Variants in PRR16 observed in about 807,000 individuals in gnomAD.
PRR16 encodes the protein protein Largen.
In PRR16, 6 loss-of-function variants were observed where a neutral mutation model predicts 18.2. The ratio of observed to expected loss-of-function variants is 0.33; its 90% CI spans 0.18 to 0.65. The LOEUF (loss-of-function observed/expected upper bound fraction) is 0.65. Ranked by LOEUF, PRR16 falls within the 30% of genes least tolerant of loss-of-function variation. PRR16 has a pLI of 0.74. For synonymous variants in PRR16, 151 were observed against 147.8 expected (o/e 1.02, Z -0.16); for missense variants, 412 against 376.6 (o/e 1.09, Z -0.78).
chr5:120,567,191 C>T (rs1329521767), intron 1 of PRR16, among the ~76,000 whole-genome samples: 1 of 152,062 alleles, frequency 6.6e-6, no homozygotes, highest in East Asian at 1.9e-4. Flanking sequence ...TTTATTCATC[C>T]AGTGACCAGT....
At chr5:120,715,755 T>C in the PRR16 span, among the ~76,000 whole-genome samples, 1 of 152,210 alleles carries the variant, frequency 6.6e-6, no homozygotes, top group Non-Finnish European at 1.5e-5. Flanking sequence ...TCTCAGGAGA[T>C]ACACTATATT....
At chr5:120,764,014 G>A in the PRR16 span, among the ~76,000 whole-genome samples, 1,214 of 152,168 alleles carry the variant, frequency 8.0e-3, 7 homozygotes, top group Middle Eastern at 0.027. Flanking sequence ...AAGAGGGTCA[G>A]TTTGGCTTCA....
chr5:120,509,624 G>A (rs1167562000), intron 1 of PRR16, among the ~76,000 whole-genome samples: 1 of 152,110 alleles, frequency 6.6e-6, no homozygotes, highest in Non-Finnish European at 1.5e-5. Flanking sequence ...TTTGAGAAGA[G>A]GAGCTATAAA....
downstream of PRR16, among the ~76,000 whole-genome samples, chr5:120,691,240 T>C (rs114363984): frequency 5.1e-4 from 78 of 152,296 alleles, no homozygotes; most frequent in African/African-American, 1.8e-3. Context: ...AATTGTGTTC[T>C]TCATAGCCCC....
downstream of PRR16, among the ~76,000 whole-genome samples, chr5:120,691,397 T>A (rs1421993939): frequency 6.6e-6 from 1 of 152,210 alleles, no homozygotes; most frequent in Admixed American, 6.5e-5. Context: ...CTAAAATGAA[T>A]CAGCTGCTGA....
chr5:120,614,519 A>G (rs1452938630), intron 1 of PRR16, among the ~76,000 whole-genome samples: 1 of 152,230 alleles, frequency 6.6e-6, no homozygotes, highest in East Asian at 1.9e-4. Context: ...GGATAATTGA[A>G]AACACTTTAA....
At chr5:120,570,926 A>G (rs988773044) in intron 1 of PRR16, among the ~76,000 whole-genome samples, 3 of 152,184 alleles carry the variant, frequency 2.0e-5, no homozygotes, top group African/African-American at 7.2e-5. Flanking sequence ...GGAAATAAAC[A>G]AGTGAATAGG....
At chr5:120,574,415 C>A (rs986341387) in intron 1 of PRR16, among the ~76,000 whole-genome samples, 1 of 151,846 alleles carries the variant, frequency 6.6e-6, no homozygotes, top group African/African-American at 2.4e-5. Flanking sequence ...ACCAGCCTGG[C>A]CAACATAGCA....
At chr5:120,566,940 T>C (rs1752756328) in intron 1 of PRR16, among the ~76,000 whole-genome samples, 1 of 152,204 alleles carries the variant, frequency 6.6e-6, no homozygotes, top group African/African-American at 2.4e-5. Context: ...AATGTGGTTT[T>C]CTTATATGTC....
At chr5:120,697,949 G>A in the PRR16 span, among the ~76,000 whole-genome samples, 1 of 152,146 alleles carries the variant, frequency 6.6e-6, no homozygotes, top group Admixed American at 6.5e-5. Flanking sequence ...CTTCTTTTGT[G>A]ATTCTTCAGT....
chr5:120,760,970 G>C, the PRR16 span, among the ~76,000 whole-genome samples: 1 of 151,926 alleles, frequency 6.6e-6, no homozygotes, highest in African/African-American at 2.4e-5. Context: ...TACAGTTCTT[G>C]TTTCAGAATC....
rs376428503 is a variant in PRR16 at position 120,648,430 on chromosome 5, G to A, written c.160-37524G>A. On this transcript the variant is annotated intron_variant, in intron 1 of 1. Coordinates refer to ENST00000407149, the MANE Select transcript of PRR16 (RefSeq NM_001300783.2). The stretch of plus-strand genomic sequence containing the variant: ...TGGCAAAATCAGAGTTAAACTGTTT[G>A]TTCCACCACCAGTATGCTTCCCTGC... 4.3e-4 allele frequency among the ~76,000 whole-genome samples: 65 copies of A among 152,110 alleles called. 3 individuals carry two copies. In the South Asian group the frequency reaches 0.012, roughly 28 times the overall value.
At chr5:120,768,340 A>G in the PRR16 span, among the ~76,000 whole-genome samples, 1 of 151,968 alleles carries the variant, frequency 6.6e-6, no homozygotes, top group Admixed American at 6.6e-5. Context: ...TTTTCTCAAT[A>G]TAAATTATTC....
chr5:120,547,445 C>T (rs939187802), intron 1 of PRR16, among the ~76,000 whole-genome samples: 1 of 152,088 alleles, frequency 6.6e-6, no homozygotes, highest in Non-Finnish European at 1.5e-5. Flanking sequence ...ATCCCATACA[C>T]TCATGGCCTA....
chr5:120,531,895 G>A (rs555357145), intron 1 of PRR16, among the ~76,000 whole-genome samples: 2 of 152,258 alleles, frequency 1.3e-5, no homozygotes, highest in Admixed American at 6.5e-5. Context: ...TGATGAGACA[G>A]TGATACAAGT....
chr5:120,775,206 C>T, the PRR16 span, among the ~76,000 whole-genome samples: 1 of 152,118 alleles, frequency 6.6e-6, no homozygotes, highest in East Asian at 1.9e-4. Context: ...TGATATATTA[C>T]ATATTATTTG....
intron 1 of PRR16, among the ~76,000 whole-genome samples, chr5:120,604,134 G>A (rs1329832005): frequency 1.3e-5 from 2 of 151,186 alleles, no homozygotes; most frequent in Non-Finnish European, 3.0e-5. Context: ...TCCATGATTT[G>A]TCTAACACCG....
At chr5:120,474,762 T>A (rs1387007623) in intron 1 of PRR16, among the ~76,000 whole-genome samples, 2 of 152,170 alleles carry the variant, frequency 1.3e-5, no homozygotes, top group East Asian at 1.9e-4. Context: ...TGGTATTTTT[T>A]AAGGGATTTG....
chr5:120,777,600 C>T, the PRR16 span, among the ~76,000 whole-genome samples: 1 of 149,614 alleles, frequency 6.7e-6, no homozygotes, highest in Non-Finnish European at 1.5e-5. Flanking sequence ...CTACACTTGT[C>T]AGATGAGAAT....
Sources: gnomAD v4.1 joint callset for allele counts (sites outside exome capture counted in the v4.1 genomes callset) on GRCh38, gnomAD v4.1.1 for gene constraint, MANE v1.5 for transcripts, NCBI Gene and HGNC (gene_info 2026-07-23, HGNC 2026-07-21) for gene names.